EIPR1: variants seen among roughly 807,000 people sequenced by gnomAD.
The protein encoded by EIPR1 is EARP and GARP complex-interacting protein 1.
A neutral mutation model predicts 48.1 loss-of-function variants in EIPR1; 25 were observed. The ratio of observed to expected loss-of-function variants is 0.52; its 90% CI spans 0.38 to 0.73. The LOEUF is 0.73. EIPR1 is among the 30% of genes least tolerant of loss of function. The probability of loss-of-function intolerance (pLI) is 0.00; values close to 1 mark genes in which losing one functional copy is unlikely to be tolerated. For synonymous variants in EIPR1, 204 were observed against 201.9 expected, an observed-to-expected ratio of 1.01 and a Z score of -0.09; for missense variants, 415 against 506.2, an observed-to-expected ratio of 0.82 and a Z score of 1.73.
At chr2:3,285,754 C>T (rs112002224) in intron 3 of EIPR1, among the ~76,000 whole-genome samples, 5 of 20,884 alleles carry the variant, frequency 2.4e-4, no homozygotes, top group African/African-American at 4.9e-4. Flanking sequence ...GACCCTCGCA[C>T]GGAGCAGAAG....
At chr2:3,311,804 C>T (rs1669138405) in intron 3 of EIPR1, among the ~76,000 whole-genome samples, 1 of 107,978 alleles carries the variant, frequency 9.3e-6, no homozygotes, top group African/African-American at 3.5e-5. Context: ...TCGCGGGGTG[C>T]TGGGCGGGGG....
At chr2:3,208,959 T>C in intron 5 of EIPR1, 1 of 1,492,370 alleles carries the variant, frequency 6.7e-7, no homozygotes, top group African/African-American at 1.4e-5. Flanking sequence ...TTCTTCCCTC[T>C]AATAGGACAA....
intron 3 of EIPR1, among the ~76,000 whole-genome samples, chr2:3,318,683 C>G (rs946953458): frequency 6.6e-6 from 1 of 152,180 alleles, no homozygotes; most frequent in African/African-American, 2.4e-5. Flanking sequence ...ATATCCAGAA[C>G]CAGGACTCTC....
chr2:3,339,875 G>T (rs1005229503), intron 2 of EIPR1, among the ~76,000 whole-genome samples: 1 of 152,212 alleles, frequency 6.6e-6, no homozygotes, highest in Non-Finnish European at 1.5e-5. Context: ...GCGTGAACCC[G>T]GGAGGCGGAG....
rs370998083 is a variant in EIPR1, at chr2:3,323,224, T to A, written c.259+14793A>T. Reference sequence around the variant, plus strand: ...TATAGGCGTGTCAGAAGACCAGAAATTAAAGGTTTTAGGCTCAAGACGTGG... The same window carrying A: ...TATAGGCGTGTCAGAAGACCAGAAAATAAAGGTTTTAGGCTCAAGACGTGG... On this transcript the variant is annotated intron_variant, in intron 3 of 8. Coordinates refer to ENST00000382125, the MANE Select transcript of EIPR1 (RefSeq NM_003310.5). Among the ~76,000 whole-genome samples the A allele has an allele frequency of 3.9e-3, 600 of 152,128 alleles. 5 individuals are homozygous for A. The highest frequency in any genetic ancestry group is 0.014 in the African/African-American group (577 of 41,490).
At chr2:3,253,152 AC>A (rs984862161) in intron 4 of EIPR1, among the ~76,000 whole-genome samples, 3 of 152,112 alleles carry the variant, frequency 2.0e-5, no homozygotes, top group African/African-American at 7.2e-5. Context: ...CTTTTTCCTA[AC>A]CCAGGCATCC....
At chr2:3,333,762 A>G (rs35631272) in intron 3 of EIPR1, among the ~76,000 whole-genome samples, 9,960 of 151,766 alleles carry the variant, frequency 0.066, 351 homozygotes, top group African/African-American at 0.077. Context: ...AAAAAAAAAA[A>G]AAAAAAATCA....
rs1159031427 is a variant in EIPR1, at chr2:3,312,667, G to A, written c.259+25350C>T. ...GATGCCACTGCCTCTGTGCTCAGGG[G>A]ATAACGGCGGGGTGGGGAAGAGCCT... On this transcript the variant is annotated intron_variant, in intron 3 of 8. Transcript: ENST00000382125. The surrounding 1 kb of genome is among the most constrained non-coding windows in gnomAD (Gnocchi z 5.5). Among the ~76,000 whole-genome samples, 1 of 152,198 alleles carries A rather than the reference G, an allele frequency of 6.6e-6. No homozygotes were observed. The highest frequency in any genetic ancestry group is 2.4e-5 in the African/African-American group (1 of 41,444).
At chr2:3,291,537 A>C (rs1668366504) in intron 3 of EIPR1, among the ~76,000 whole-genome samples, 1 of 152,218 alleles carries the variant, frequency 6.6e-6, no homozygotes, top group African/African-American at 2.4e-5. Context: ...GTCATAATTT[A>C]AAAGATAGTT....
At chr2:3,347,363 G>T (rs1234747621) in intron 2 of EIPR1, among the ~76,000 whole-genome samples, 1 of 152,122 alleles carries the variant, frequency 6.6e-6, no homozygotes, top group Non-Finnish European at 1.5e-5. Flanking sequence ...TCGAATCATG[G>T]GGGCAGTTCT....
intron 5 of EIPR1, among the ~76,000 whole-genome samples, chr2:3,210,846 C>T (rs551992596): frequency 6.6e-6 from 1 of 152,218 alleles, no homozygotes; most frequent in Admixed American, 6.5e-5. Flanking sequence ...ACCACGTTGG[C>T]CAGGCTGGCC....
intron 3 of EIPR1, among the ~76,000 whole-genome samples, chr2:3,277,632 A>AC (rs1337227456): frequency 6.6e-6 from 1 of 152,158 alleles, no homozygotes; most frequent in Non-Finnish European, 1.5e-5. Flanking sequence ...TAATTAAGTG[A>AC]CCCACCTGAC....
chr2:3,269,675 TCG>T (rs1558263905), intron 3 of EIPR1, among the ~76,000 whole-genome samples: 5 of 119,056 alleles, frequency 4.2e-5, no homozygotes. Context: ...CACTCAATCA[TCG>T]CAATCATCGC....
At chr2:3,352,972 G>A (rs1670623856) in intron 2 of EIPR1, among the ~76,000 whole-genome samples, 2 of 152,218 alleles carry the variant, frequency 1.3e-5, no homozygotes, top group African/African-American at 2.4e-5. Context: ...ACTCTAGCCT[G>A]GGCAACAGAG....
At position 3,257,661 on chromosome 2, in the gene EIPR1, T is replaced by C. The variant is rs1667203994; in HGVS notation, c.260-206A>G. 6.7e-6 allele frequency: 3 copies of C among 445,392 alleles called. No individual in the cohort carries two copies. The South Asian group carries it at 1.6e-4, about 24-fold the overall frequency. 27.6% of individuals were successfully genotyped at this position (445,392 alleles called of 1,614,324 possible). ...CCGGCACGGTTCGTAATCAGCATCC[T>C]GTTCCCCACTTTCTCTTTGTTTTAA... On this transcript the variant is annotated intron_variant, in intron 3 of 8. Transcript: ENST00000382125.
intron 5 of EIPR1, among the ~76,000 whole-genome samples, chr2:3,212,224 T>G (rs1319449884): frequency 6.6e-6 from 1 of 152,186 alleles, no homozygotes; most frequent in Non-Finnish European, 1.5e-5. Flanking sequence ...AGTTACAGAT[T>G]AATCACCCTA....
chr2:3,308,119 T>C (rs1306837635), intron 3 of EIPR1, among the ~76,000 whole-genome samples: 4 of 152,212 alleles, frequency 2.6e-5, no homozygotes, highest in Admixed American at 2.0e-4. Flanking sequence ...TGAGGCCCAC[T>C]TGCACAGACT....
At chr2:3,264,925 T>C (rs185451327) in intron 3 of EIPR1, among the ~76,000 whole-genome samples, 120 of 152,262 alleles carry the variant, frequency 7.9e-4, no homozygotes, top group African/African-American at 2.8e-3. Flanking sequence ...GACCTTGTGA[T>C]CCGCCCTCCT....
At chr2:3,345,670 A>G (rs1670377999) in intron 2 of EIPR1, among the ~76,000 whole-genome samples, 2 of 152,054 alleles carry the variant, frequency 1.3e-5, no homozygotes, top group Admixed American at 6.5e-5. Flanking sequence ...ATATATAGTG[A>G]GACCAAAATT....
Sources: allele counts gnomAD v4.1 joint callset (sites outside exome capture counted in the v4.1 genomes callset), GRCh38; gene constraint gnomAD v4.1.1; non-coding constraint Gnocchi (gnomAD v3.1); transcripts MANE v1.5; gene names NCBI Gene and HGNC (gene_info 2026-07-23, HGNC 2026-07-21).